The following ZFHX3 variants were observed in gnomAD, a reference collection of about 807,000 sequenced individuals.
The protein encoded by ZFHX3 is zinc finger homeobox protein 3.
A neutral mutation model predicts 279.1 loss-of-function variants in ZFHX3; 42 were observed. The ratio of observed to expected loss-of-function variants is 0.15; its 90% CI spans 0.12 to 0.19. ZFHX3 has a LOEUF of 0.19. Among genes scored for constraint, ZFHX3 ranks in the 10% least tolerant of loss-of-function variants. The pLI is 1.00. For missense variants in ZFHX3, 4,981 were observed against 4,754.0 expected (o/e 1.05, Z -1.40); for synonymous variants, 2,293 against 1,957.8 (o/e 1.17, Z -4.52).
At chr16:73,424,970 G>C (rs1231424767) in intron 3 of ZFHX3, among the ~76,000 whole-genome samples, 2 of 152,146 alleles carry the variant, frequency 1.3e-5, no homozygotes, top group African/African-American at 4.8e-5. Flanking sequence ...ATGCCCATGA[G>C]GGGGTCTGAT....
chr16:73,811,819 T>A (rs1960435423), intron 1 of ZFHX3, among the ~76,000 whole-genome samples: 1 of 152,164 alleles, frequency 6.6e-6, no homozygotes, highest in East Asian at 1.9e-4. Context: ...TGCTATCTTT[T>A]GGTGGTTCAG....
rs2143426276 is a variant in ZFHX3, at chr16:72,796,115, G to C, written c.6567C>G (p.Ile2189Met). ...ADKSGLPQKVIKHWFRNTLFK... is the reference protein window; with the variant it reads ...ADKSGLPQKVMKHWFRNTLFK... ...AGAGAGTGTTCCTGAACCAGTGCTT[G>C]ATCACTTTCTGGGGCAACCCGGACT... Residue 2189 changes from isoleucine to methionine, a missense_variant, in exon 9 of 10, where the codon ATC becomes ATG. Around this residue, in one of 7 missense-constraint regions of ZFHX3, gnomAD observed 177 missense variants for 244.2 expected, o/e 0.72. Coordinates refer to ENST00000268489, the MANE Select transcript of ZFHX3 (RefSeq NM_006885.4). The C allele has an allele frequency of 6.2e-7, 1 of 1,614,170 alleles. No homozygotes were observed. The highest frequency in any genetic ancestry group is 8.5e-7 in the Non-Finnish European group (1 of 1,180,034).
intron 1 of ZFHX3, among the ~76,000 whole-genome samples, chr16:73,889,034 C>CT (rs1358061508): frequency 6.6e-6 from 1 of 152,174 alleles, no homozygotes; most frequent in African/African-American, 2.4e-5. Context: ...TTGGCAATGA[C>CT]TGCCCAAGCT....
chr16:73,363,012 G>T (rs2016458742), intron 3 of ZFHX3, among the ~76,000 whole-genome samples: 1 of 152,344 alleles, frequency 6.6e-6, no homozygotes, highest in East Asian at 1.9e-4. Context: ...AAGAGGTGGA[G>T]TCTATTTCTC....
rs905158609 is a variant in ZFHX3, at chr16:73,147,609, G to C, written c.-1103-3778C>G. ...CGGGAGGCTGAGGCAGGAGAATGGCGTGAACCCGGGAGGCGGAGCTTGCAG... is the reference window on the plus strand; with the variant it reads ...CGGGAGGCTGAGGCAGGAGAATGGCCTGAACCCGGGAGGCGGAGCTTGCAG... On this transcript the variant is annotated intron_variant, in intron 5 of 17. Transcript: ENST00000641206. Among the ~76,000 whole-genome samples, 3 of 145,492 alleles carry C rather than the reference G, an allele frequency of 2.1e-5. No individual in the cohort carries two copies. In the South Asian group the frequency reaches 6.7e-4, roughly 32 times the overall value.
At chr16:73,093,616 G>A (rs79936602) in intron 7 of ZFHX3, 22,720 of 504,200 alleles carry the variant, frequency 0.045, 959 homozygotes, top group African/African-American at 0.15. Context: ...CAGACAGCAC[G>A]GAGAAGGATG....
chr16:73,429,399 C>G (rs556672263), intron 3 of ZFHX3, among the ~76,000 whole-genome samples: 3 of 152,222 alleles, frequency 2.0e-5, no homozygotes, highest in African/African-American at 7.2e-5. Context: ...GTGGTGCAAT[C>G]TCGACTCACT....
Position 72,798,260 on chromosome 16 carries a change from C to T in ZFHX3, c.4422G>A (p.Leu1474=), listed in dbSNP as rs878951450. ...YGGLLANGDL[L]AMGDPTLAED... ...CTGCCAGAGTGGGGTCTCCCATTGC[C>T]AGGAGGTCCCCATTGGCCAGCAGGC... is the stretch of plus-strand genomic sequence containing the variant. The change falls in exon 9 of 10, where the codon CTG becomes CTA. Residue 1474 remains leucine (L), a synonymous_variant. Transcript: ENST00000268489. 2 of 1,614,146 alleles carry T rather than the reference C, an allele frequency of 1.2e-6. No individual in the cohort carries two copies. Among genetic ancestry groups the T allele is most frequent in the South Asian group, 1.1e-5 (1 of 91,076 alleles).
In ZFHX3 at chr16:72,795,571, CATCCATGGA is replaced by C. The variant is rs867092777; in HGVS notation, c.7102_7110del (p.Ser2368_Asp2370del). ...CTGGTAGGCGTCAGGATTTCCATGG[CATCCATGGA>C]ATCCTCATTTTGGCTGTCGTCCTGC... On this transcript the variant is annotated inframe_deletion, in exon 9 of 10. Coordinates refer to ENST00000268489, the MANE Select transcript of ZFHX3 (RefSeq NM_006885.4). 4 of 1,613,920 alleles carry C rather than the reference CATCCATGGA, an allele frequency of 2.5e-6. No individual in the cohort carries two copies. The African/African-American group carries it at 5.3e-5, about 22-fold the overall frequency.
At chr16:73,076,113 T>C (rs1965884728) in intron 8 of ZFHX3, among the ~76,000 whole-genome samples, 1 of 152,126 alleles carries the variant, frequency 6.6e-6, no homozygotes, top group African/African-American at 2.4e-5. Flanking sequence ...TGTTTCAGGA[T>C]TAAATGAGAC....
chr16:72,982,334 C>T (rs1962642940), intron 1 of ZFHX3, among the ~76,000 whole-genome samples: 1 of 152,230 alleles, frequency 6.6e-6, no homozygotes, highest in African/African-American at 2.4e-5. Flanking sequence ...GGTCCTGCAA[C>T]TGGTTAGCTG....
At chr16:72,941,005 T>C (rs1391475498) in intron 3 of ZFHX3, among the ~76,000 whole-genome samples, 1 of 152,224 alleles carries the variant, frequency 6.6e-6, no homozygotes, top group Non-Finnish European at 1.5e-5. Flanking sequence ...TCACGTGCTG[T>C]GAATTTTCAT....
At chr16:73,616,209 G>C (rs547498728) in intron 2 of ZFHX3, among the ~76,000 whole-genome samples, 7 of 151,642 alleles carry the variant, frequency 4.6e-5, no homozygotes, top group African/African-American at 1.7e-4. Context: ...GGTCAGAGAA[G>C]ATCTATTTCT....
intron 5 of ZFHX3, among the ~76,000 whole-genome samples, chr16:73,223,208 G>T (rs928654197): frequency 2.0e-5 from 3 of 152,062 alleles, no homozygotes; most frequent in Admixed American, 6.6e-5. Context: ...ATGAATGAAA[G>T]AATTGATAAA....
chr16:73,055,806 A>T (rs1457307878), intron 1 of ZFHX3, among the ~76,000 whole-genome samples: 3 of 145,222 alleles, frequency 2.1e-5, no homozygotes, highest in Non-Finnish European at 4.5e-5. Context: ...GAGAGCCTGA[A>T]CTCTCTTTGC....
chr16:72,975,860 C>G (rs1469513828), intron 1 of ZFHX3, among the ~76,000 whole-genome samples: 2 of 152,200 alleles, frequency 1.3e-5, no homozygotes, highest in African/African-American at 4.8e-5. Context: ...TAAGAAGAAC[C>G]ACCAAGGCCA....
At chr16:73,665,309 G>T (rs919963522) in intron 2 of ZFHX3, among the ~76,000 whole-genome samples, 4 of 151,898 alleles carry the variant, frequency 2.6e-5, no homozygotes, top group South Asian at 2.1e-4. Flanking sequence ...CACCTCCCAG[G>T]TCCAAGTAAT....
chr16:73,119,075 A>C (rs1357657043), intron 7 of ZFHX3, among the ~76,000 whole-genome samples: 1 of 151,592 alleles, frequency 6.6e-6, no homozygotes, highest in Admixed American at 6.6e-5. Context: ...TTGAAATGAC[A>C]GTGCAGAAAC....
chr16:73,208,496 A>G (rs1176343603), intron 5 of ZFHX3, among the ~76,000 whole-genome samples: 2 of 152,346 alleles, frequency 1.3e-5, no homozygotes, highest in Admixed American at 1.3e-4. Flanking sequence ...AAATGAAAAT[A>G]ACATGTTAAT....
Sources: allele counts gnomAD v4.1 joint callset (sites outside exome capture counted in the v4.1 genomes callset), GRCh38; gene constraint gnomAD v4.1.1; regional missense constraint gnomAD v4.1.1; transcripts MANE v1.5; gene names NCBI Gene and HGNC (gene_info 2026-07-23, HGNC 2026-07-21).